The following VTI1A variants were observed in gnomAD, a reference collection of about 807,000 sequenced individuals.
VTI1A encodes the protein vesicle transport through interaction with t-SNAREs homolog 1A.
Under a neutral mutation model 34.9 loss-of-function variants are expected in VTI1A, and 22 were observed. That is an observed-to-expected ratio of 0.63 (90% CI 0.45 to 0.90). The LOEUF (loss-of-function observed/expected upper bound fraction) is 0.90. Ranked by LOEUF, VTI1A falls within the 40% of genes least tolerant of loss-of-function variation. VTI1A has a pLI of 0.00. For missense variants in VTI1A, 268 were observed against 275.6 expected (o/e 0.97, Z 0.20); for synonymous variants, 87 against 97.3 (o/e 0.89, Z 0.62).
chr10:112,640,930 C>T (rs1332352025), intron 5 of VTI1A, among the ~76,000 whole-genome samples: 1 of 152,092 alleles, frequency 6.6e-6, no homozygotes, highest in East Asian at 1.9e-4. Flanking sequence ...GTTTAGTATC[C>T]AAATTACTCT....
the VTI1A span, among the ~76,000 whole-genome samples, chr10:112,839,467 T>TG: frequency 7.0e-6 from 1 of 143,806 alleles, no homozygotes; most frequent in Admixed American, 7.2e-5. Context: ...GGAGGCTACT[T>TG]GGGGGAGCAG....
chr10:112,714,322 C>T (rs1564895905), intron 7 of VTI1A, among the ~76,000 whole-genome samples: 1 of 152,102 alleles, frequency 6.6e-6, no homozygotes, highest in Non-Finnish European at 1.5e-5. Flanking sequence ...GATGCCTTTC[C>T]CCTGCTTTAG....
downstream of VTI1A, among the ~76,000 whole-genome samples, chr10:112,822,519 A>G (rs1853672056): frequency 6.6e-6 from 1 of 152,150 alleles, no homozygotes; most frequent in Non-Finnish European, 1.5e-5. Flanking sequence ...TGTGGTGTAC[A>G]ATTTGGCATT....
intron 5 of VTI1A, among the ~76,000 whole-genome samples, chr10:112,614,308 C>T (rs965808086): frequency 6.6e-5 from 10 of 152,170 alleles, no homozygotes; most frequent in Admixed American, 5.9e-4. Flanking sequence ...GTTGTTTACT[C>T]ATGCCCTTGT....
intron 5 of VTI1A, among the ~76,000 whole-genome samples, chr10:112,624,819 G>A (rs1306823845): frequency 6.6e-6 from 1 of 152,132 alleles, no homozygotes; most frequent in East Asian, 1.9e-4. Context: ...ATTAAGGGCC[G>A]GGCATGGTAG....
intron 3 of VTI1A, among the ~76,000 whole-genome samples, chr10:112,491,999 T>A (rs1848840310): frequency 6.6e-6 from 1 of 152,200 alleles, no homozygotes; most frequent in African/African-American, 2.4e-5. Flanking sequence ...TTTAGTTTAG[T>A]TGGTCTAGGT....
intron 3 of VTI1A, among the ~76,000 whole-genome samples, chr10:112,494,202 A>G (rs1004669305): frequency 1.3e-5 from 2 of 152,062 alleles, no homozygotes; most frequent in African/African-American, 4.8e-5. Context: ...TGTGCCCTTC[A>G]TCTAAGTTCT....
intron 7 of VTI1A, among the ~76,000 whole-genome samples, chr10:112,801,819 G>A (rs1321089895): frequency 6.6e-6 from 1 of 152,244 alleles, no homozygotes; most frequent in East Asian, 1.9e-4. Flanking sequence ...CAGTGTGCCA[G>A]TGATTGAGGA....
At chr10:112,487,014 C>T (rs1848660958) in intron 3 of VTI1A, among the ~76,000 whole-genome samples, 1 of 152,080 alleles carries the variant, frequency 6.6e-6, no homozygotes, top group Non-Finnish European at 1.5e-5. Context: ...GAGATACTAT[C>T]ACTATTTAAA....
chr10:112,728,747 C>T (rs191125172), intron 7 of VTI1A, among the ~76,000 whole-genome samples: 1 of 152,332 alleles, frequency 6.6e-6, no homozygotes, highest in Admixed American at 6.5e-5. Flanking sequence ...CAAATGTTCA[C>T]TGCACCAATG....
In VTI1A at chr10:112,532,725, A is replaced by G. The variant is rs185371979; in HGVS notation, c.343-5521A>G. Among the ~76,000 whole-genome samples the G allele has an allele frequency of 1.3e-4, 20 of 152,306 alleles. No homozygotes were observed. The East Asian group carries it at 3.9e-3, about 29-fold the overall frequency. ...TTTTTTATTTGACTTTAGTGAAAACAAAACTGCAATATAAATGAAGTAAGA... is the reference window on the plus strand; with the variant it reads ...TTTTTTATTTGACTTTAGTGAAAACGAAACTGCAATATAAATGAAGTAAGA... On this transcript the variant is annotated intron_variant, in intron 4 of 7. Transcript: ENST00000393077.
chr10:112,631,608 A>G (rs1460012464), intron 5 of VTI1A, among the ~76,000 whole-genome samples: 2 of 152,070 alleles, frequency 1.3e-5, no homozygotes, highest in East Asian at 3.9e-4. Context: ...ATTCCTTTTT[A>G]TGGTTGGGAA....
At chr10:112,632,593 G>A (rs111608280) in intron 5 of VTI1A, among the ~76,000 whole-genome samples, 14 of 152,170 alleles carry the variant, frequency 9.2e-5, no homozygotes, top group African/African-American at 3.1e-4. Context: ...AGGGATAGAC[G>A]GGATTCACAT....
chr10:112,512,266 T>C (rs1010713922), intron 3 of VTI1A, among the ~76,000 whole-genome samples: 3 of 152,192 alleles, frequency 2.0e-5, no homozygotes, highest in African/African-American at 7.2e-5. Flanking sequence ...AGAGAATATT[T>C]CATTGTGGTT....
chr10:112,730,164 A>G (rs571051731), intron 7 of VTI1A, among the ~76,000 whole-genome samples: 1 of 152,358 alleles, frequency 6.6e-6, no homozygotes, highest in East Asian at 1.9e-4. Context: ...AACAATCTGC[A>G]TTATTTTAAA....
chr10:112,798,188 A>G (rs1852744079), intron 7 of VTI1A, among the ~76,000 whole-genome samples: 1 of 152,090 alleles, frequency 6.6e-6, no homozygotes, highest in African/African-American at 2.4e-5. Flanking sequence ...TGGGACCCTC[A>G]GGGGGCTCTG....
At chr10:112,601,881 G>T (rs1026309355) in intron 5 of VTI1A, among the ~76,000 whole-genome samples, 1 of 152,178 alleles carries the variant, frequency 6.6e-6, no homozygotes, top group African/African-American at 2.4e-5. Context: ...TTTTGATAGA[G>T]CAGAATGATT....
intron 3 of VTI1A, among the ~76,000 whole-genome samples, chr10:112,516,159 G>A (rs1037272749): frequency 1.3e-5 from 2 of 151,976 alleles, no homozygotes; most frequent in African/African-American, 4.8e-5. Flanking sequence ...AGATAACAGA[G>A]GTAATCCATA....
chr10:112,637,049 A>G (rs577171857), intron 5 of VTI1A, among the ~76,000 whole-genome samples: 1 of 152,368 alleles, frequency 6.6e-6, no homozygotes, highest in Non-Finnish European at 1.5e-5. Context: ...CCAGACAGAT[A>G]TATTTAACTT....
Sources: gnomAD v4.1 joint callset for allele counts (sites outside exome capture counted in the v4.1 genomes callset) on GRCh38, gnomAD v4.1.1 for gene constraint, MANE v1.5 for transcripts, NCBI Gene and HGNC (gene_info 2026-07-23, HGNC 2026-07-21) for gene names.